Variants in SH3RF2 observed in about 807,000 individuals in gnomAD.
SH3RF2 encodes E3 ubiquitin-protein ligase SH3RF2.
Under a neutral mutation model 59.0 loss-of-function variants are expected in SH3RF2, and 43 were observed. That is an observed-to-expected ratio of 0.73 (90% CI 0.57 to 0.94). SH3RF2 has a LOEUF of 0.94. Among genes scored for constraint, SH3RF2 ranks in the 40% least tolerant of loss-of-function variants. SH3RF2 has a pLI of 0.00. For missense variants in SH3RF2, 930 were observed against 940.1 expected (o/e 0.99, Z 0.14); for synonymous variants, 391 against 391.5 (o/e 1.00, Z 0.01).
chr5:146,027,843 GC>G (rs1257904751), intron 5 of SH3RF2, among the ~76,000 whole-genome samples: 1 of 152,164 alleles, frequency 6.6e-6, no homozygotes, highest in African/African-American at 2.4e-5. Flanking sequence ...TACTCCTGGG[GC>G]ACAGTGACTT....
At chr5:145,987,172 A>G (rs941983242) in intron 2 of SH3RF2, among the ~76,000 whole-genome samples, 2 of 152,180 alleles carry the variant, frequency 1.3e-5, no homozygotes, top group Admixed American at 6.5e-5. Context: ...GGAATGAGAA[A>G]ACAGGAAAAT....
intron 5 of SH3RF2, among the ~76,000 whole-genome samples, chr5:146,046,227 T>C (rs1056231209): frequency 6.6e-6 from 1 of 152,200 alleles, no homozygotes; most frequent in Non-Finnish European, 1.5e-5. Context: ...CATACACACA[T>C]CAATCCATAG....
At chr5:146,050,527 T>C (rs1043844312) in intron 7 of SH3RF2, among the ~76,000 whole-genome samples, 1 of 152,258 alleles carries the variant, frequency 6.6e-6, no homozygotes, top group African/African-American at 2.4e-5. Flanking sequence ...AGAAAAGTTC[T>C]TGAAATTTGT....
At chr5:145,998,500 A>G (rs370717224) in intron 2 of SH3RF2, among the ~76,000 whole-genome samples, 1 of 23,334 alleles carries the variant, frequency 4.3e-5, no homozygotes, top group African/African-American at 1.7e-4. Flanking sequence ...GTTTTATGGG[A>G]AAAAAAAGTA....
At chr5:146,071,015 C>G (rs1359179566) in intron 9 of SH3RF2, among the ~76,000 whole-genome samples, 1 of 152,182 alleles carries the variant, frequency 6.6e-6, no homozygotes, top group Non-Finnish European at 1.5e-5. Flanking sequence ...CAGGGTTTGA[C>G]TGCTATAGGT....
rs575871719 is a variant in SH3RF2, at chr5:146,077,585, T to C, written c.*34-875T>C. Among the ~76,000 whole-genome samples, 39 of 152,326 alleles carry C rather than the reference T, an allele frequency of 2.6e-4. No individual in the cohort carries two copies. In the South Asian group the frequency reaches 6.4e-3, roughly 25 times the overall value. The stretch of plus-strand genomic sequence containing the variant: ...ACTTATCCCTAAACATTTCAGTGTG[T>C]ATTTTTTAAAAATAAGAATATGCAC... On this transcript the variant is annotated intron_variant, in intron 9 of 9. Coordinates refer to the SH3RF2 transcript ENST00000511217.
Position 146,072,539 on chromosome 5 carries a change from C to T in SH3RF2, c.*34-5921C>T, listed in dbSNP as rs547594145. ...TACAAAAATTAGCCAGACGTGGTGG[C>T]GGGCACCTGTAGTCCCAGCTACTTG... is the stretch of plus-strand genomic sequence containing the variant. On this transcript the variant is annotated intron_variant, in intron 9 of 9. Transcript: ENST00000511217. Among the ~76,000 whole-genome samples, 9 of 152,112 alleles carry T rather than the reference C, an allele frequency of 5.9e-5. No homozygotes were observed. The South Asian group carries it at 1.2e-3, about 21-fold the overall frequency.
intron 2 of SH3RF2, among the ~76,000 whole-genome samples, chr5:145,980,995 A>T (rs1561721856): frequency 6.6e-6 from 1 of 152,186 alleles, no homozygotes; most frequent in African/African-American, 2.4e-5. Flanking sequence ...CTAGAAAATG[A>T]AGATTCTATT....
At chr5:146,022,468 A>T (rs967591950) in intron 5 of SH3RF2, among the ~76,000 whole-genome samples, 4 of 152,202 alleles carry the variant, frequency 2.6e-5, no homozygotes, top group African/African-American at 9.7e-5. Context: ...TGCCTCTTGG[A>T]TTATTTTAAA....
chr5:145,967,952 G>T lies in SH3RF2; in HGVS notation c.378+29646G>T, dbSNP rs149385895. Among the ~76,000 whole-genome samples the T allele has an allele frequency of 7.0e-3, 1,058 of 152,174 alleles. 16 individuals are homozygous for T. The highest frequency in any genetic ancestry group is 0.024 in the African/African-American group (1,013 of 41,468). On this transcript the variant is annotated intron_variant, in intron 2 of 9. Coordinates refer to ENST00000359120, the MANE Select transcript of SH3RF2 (RefSeq NM_152550.4). ...TGGGATTACAGGCATGAGCCACCAC[G>T]CCCAGCCCTACGGTGAGTTATTTCT...
intron 2 of SH3RF2, among the ~76,000 whole-genome samples, chr5:145,994,834 T>C (rs1000387033): frequency 2.6e-5 from 4 of 152,170 alleles, no homozygotes; most frequent in Admixed American, 2.0e-4. Flanking sequence ...AGAGAGTGCT[T>C]AGCAAAGAGA....
chr5:146,013,859 G>T lies in SH3RF2; in HGVS notation c.857G>T (p.Arg286Leu), dbSNP rs771899314. 2.5e-6 allele frequency: 4 copies of T among 1,614,028 alleles called. No homozygotes were observed. Among genetic ancestry groups the T allele is most frequent in the East Asian group, 2.2e-5 (1 of 44,886 alleles). Residue 286 changes from arginine (R) to leucine (L), a missense_variant, in exon 5 of 10, where the codon CGT (arginine) becomes CTT (leucine). Transcript: ENST00000359120. ...TCCAGAGGCAACACGTCTACCCTCCGTAGGGGCCCAGGGTCCAGGAGGAAG... is the reference window on the plus strand; with the variant it reads ...TCCAGAGGCAACACGTCTACCCTCCTTAGGGGCCCAGGGTCCAGGAGGAAG... ...SSSRGNTSTL[R>L]RGPGSRRKVP...
Position 146,061,894 on chromosome 5 carries a change from G to A in SH3RF2, c.1915-532G>A, listed in dbSNP as rs546081774. Among the ~76,000 whole-genome samples the A allele has an allele frequency of 2.2e-4, 33 of 152,166 alleles. No homozygotes were observed. In the South Asian group the frequency reaches 5.4e-3, roughly 25 times the overall value. On this transcript the variant is annotated intron_variant, in intron 9 of 9. Transcript: ENST00000359120. ...TCTCCCAATTTTTATGTGTTGGCGA[G>A]TCGATCAAACCCTCAAACATTCTGC...
At chr5:146,061,304 T>C (rs1762882351) in intron 9 of SH3RF2, among the ~76,000 whole-genome samples, 1 of 152,164 alleles carries the variant, frequency 6.6e-6, no homozygotes, top group Admixed American at 6.5e-5. Context: ...CCAGATCTGA[T>C]GCAAAACTCA....
At chr5:146,021,848 C>G (rs79436343) in intron 5 of SH3RF2, among the ~76,000 whole-genome samples, 3,737 of 152,272 alleles carry the variant, frequency 0.025, 164 homozygotes, top group African/African-American at 0.086. Context: ...TAGGACCAAT[C>G]AATACTGAGC....
chr5:146,067,950 G>A (rs958502589), downstream of SH3RF2, among the ~76,000 whole-genome samples: 1 of 152,156 alleles, frequency 6.6e-6, no homozygotes, highest in Admixed American at 6.5e-5. Context: ...CTGTGACCCT[G>A]GAGTACAGTG....
At chr5:145,975,968 G>C (rs1289976004) in intron 2 of SH3RF2, among the ~76,000 whole-genome samples, 1 of 152,200 alleles carries the variant, frequency 6.6e-6, no homozygotes, top group East Asian at 1.9e-4. Flanking sequence ...CTCAATAAGA[G>C]ATCAATGGTG....
chr5:146,053,286 C>T (rs1226617737), intron 7 of SH3RF2, among the ~76,000 whole-genome samples: 1 of 152,200 alleles, frequency 6.6e-6, no homozygotes, highest in African/African-American at 2.4e-5. Context: ...ACCATGTTGC[C>T]TCTTCCCAGA....
chr5:145,994,773 T>C (rs1283777202), intron 2 of SH3RF2, among the ~76,000 whole-genome samples: 1 of 152,158 alleles, frequency 6.6e-6, no homozygotes, highest in African/African-American at 2.4e-5. Flanking sequence ...TTTTTTAATC[T>C]AAAAATTGAC....
Sources: gnomAD v4.1 joint callset for allele counts (sites outside exome capture counted in the v4.1 genomes callset) on GRCh38, gnomAD v4.1.1 for gene constraint, MANE v1.5 for transcripts, NCBI Gene and HGNC (gene_info 2026-07-23, HGNC 2026-07-21) for gene names.